The following TRIM71 variants were observed in gnomAD, a reference collection of about 807,000 sequenced individuals.
The protein encoded by TRIM71 is E3 ubiquitin-protein ligase TRIM71.
Under a neutral mutation model 61.2 loss-of-function variants are expected in TRIM71, and 9 were observed. That is an observed-to-expected ratio of 0.15 (90% CI 0.09 to 0.26). The LOEUF (loss-of-function observed/expected upper bound fraction) is 0.26. Among genes scored for constraint, TRIM71 ranks in the 10% least tolerant of loss-of-function variants. The pLI is 1.00. For missense variants in TRIM71, 998 were observed against 1,238.7 expected, an observed-to-expected ratio of 0.81 and a Z score of 2.92; for synonymous variants, 645 against 553.2, an observed-to-expected ratio of 1.17 and a Z score of -2.33.
intron 1 of TRIM71, among the ~76,000 whole-genome samples, chr3:32,836,114 C>T (rs957077443): frequency 6.6e-6 from 1 of 152,136 alleles, no homozygotes; most frequent in Non-Finnish European, 1.5e-5. Flanking sequence ...TCCCCTCCCC[C>T]GACAGCTCCC....
chr3:32,851,390 C>T (rs981578491), intron 1 of TRIM71, among the ~76,000 whole-genome samples: 1 of 152,216 alleles, frequency 6.6e-6, no homozygotes, highest in African/African-American at 2.4e-5. Context: ...ACTGAATCCA[C>T]CCAGCTAAGT....
At chr3:32,833,056 T>C (rs1335831376) in intron 1 of TRIM71, among the ~76,000 whole-genome samples, 1 of 151,450 alleles carries the variant, frequency 6.6e-6, no homozygotes, top group Non-Finnish European at 1.5e-5. Flanking sequence ...GAACCTGTCA[T>C]CCCAGCTACT....
rs1230451614 is a variant in TRIM71 at position 32,868,700 on chromosome 3, TAAA to T, written c.853-5114_853-5112del. Among the ~76,000 whole-genome samples, 11 of 150,408 alleles carry T rather than the reference TAAA, an allele frequency of 7.3e-5. No individual in the cohort carries two copies. The East Asian group carries it at 9.7e-4, about 13-fold the overall frequency. On this transcript the variant is annotated intron_variant, in intron 1 of 3. Coordinates refer to ENST00000383763, the MANE Select transcript of TRIM71 (RefSeq NM_001039111.3). ...GAGACATTAGGGTTTTTTTTTTTTT[TAAA>T]AAACTGTTTGCTTGTATTACTTTCT...
chr3:32,837,428 A>G (rs1696346712), intron 1 of TRIM71, among the ~76,000 whole-genome samples: 1 of 152,216 alleles, frequency 6.6e-6, no homozygotes, highest in Non-Finnish European at 1.5e-5. Flanking sequence ...TATGAAAAGT[A>G]TAGTTTTAGG....
At chr3:32,877,748 T>C (rs887705170) in intron 2 of TRIM71, among the ~76,000 whole-genome samples, 5 of 152,170 alleles carry the variant, frequency 3.3e-5, no homozygotes, top group Non-Finnish European at 7.3e-5. Flanking sequence ...AAGCTCCAGT[T>C]CTAATTCTAG....
At chr3:32,853,626 CTTT>C (rs1278930372) in intron 1 of TRIM71, among the ~76,000 whole-genome samples, 1 of 152,170 alleles carries the variant, frequency 6.6e-6, no homozygotes, top group East Asian at 1.9e-4. Flanking sequence ...AAGGGACACC[CTTT>C]TTCCTGAGGA....
chr3:32,857,038 C>T (rs909010341), intron 1 of TRIM71, among the ~76,000 whole-genome samples: 3 of 152,186 alleles, frequency 2.0e-5, no homozygotes, highest in Admixed American at 2.0e-4. Flanking sequence ...GACTCCACAA[C>T]ACAAGTTGGC....
rs1388106023 is a variant in TRIM71, at chr3:32,891,892, T to C, written c.*81T>C. 5 of 1,513,010 alleles carry C rather than the reference T, an allele frequency of 3.3e-6. No homozygotes were observed. Among genetic ancestry groups the C allele is most frequent in the Non-Finnish European group, 4.4e-6 (5 of 1,136,972 alleles). The allele number at this position is 1,513,010 out of a possible 1,614,324, so 93.7% of individuals were successfully genotyped here. The stretch of plus-strand genomic sequence containing the variant: ...TCTCTCTTTCTCTTTCTCTCTCTTT[T>C]TGAATTTCAAAGAAGAAACAGTCTC... On this transcript the variant is annotated 3_prime_UTR_variant, in exon 4 of 4. Coordinates refer to ENST00000383763, the MANE Select transcript of TRIM71 (RefSeq NM_001039111.3). This position sits in a 1 kb window ranked among gnomAD's most constrained non-coding sequence, Gnocchi z 8.2.
intron 1 of TRIM71, among the ~76,000 whole-genome samples, chr3:32,832,913 G>A (rs955018846): frequency 5.3e-5 from 8 of 151,934 alleles, no homozygotes; most frequent in East Asian, 3.9e-4. Flanking sequence ...GGTGGCTCAC[G>A]CCTTAATCCC....
chr3:32,842,398 C>A, intron 1 of TRIM71, among the ~76,000 whole-genome samples: 1 of 152,048 alleles, frequency 6.6e-6, no homozygotes, highest in Non-Finnish European at 1.5e-5. Context: ...GTGAGAGTTC[C>A]TGAAAAAAAT....
At chr3:32,848,321 T>C (rs932721653) in intron 1 of TRIM71, among the ~76,000 whole-genome samples, 3 of 152,212 alleles carry the variant, frequency 2.0e-5, no homozygotes, top group African/African-American at 7.2e-5. Flanking sequence ...TCTGCCCTCT[T>C]AGTTCTACAG....
intron 2 of TRIM71, among the ~76,000 whole-genome samples, chr3:32,881,796 G>GT (rs1320070897): frequency 1.3e-5 from 2 of 152,176 alleles, no homozygotes; most frequent in African/African-American, 2.4e-5. Flanking sequence ...TTGGGAACTA[G>GT]TTCAATAAGT....
chr3:32,840,895 G>A (rs1696396463), intron 1 of TRIM71, among the ~76,000 whole-genome samples: 1 of 152,166 alleles, frequency 6.6e-6, no homozygotes. Flanking sequence ...CCCCGGGCTG[G>A]TCTAAGTGAG....
At chr3:32,866,590 G>GTGTGCTAC (rs2125686850) in intron 1 of TRIM71, among the ~76,000 whole-genome samples, 2 of 152,282 alleles carry the variant, frequency 1.3e-5, no homozygotes, top group East Asian at 3.9e-4. Context: ...CCTAGACATG[G>GTGTGCTAC]TGGTGTGCTA....
chr3:32,886,705 C>T (rs1035465874), intron 3 of TRIM71, among the ~76,000 whole-genome samples: 3 of 152,150 alleles, frequency 2.0e-5, no homozygotes, highest in Admixed American at 6.5e-5. Flanking sequence ...TCTGAACACA[C>T]GAAAAAGACT....
At chr3:32,854,335 T>G (rs1470888487) in intron 1 of TRIM71, among the ~76,000 whole-genome samples, 1 of 152,204 alleles carries the variant, frequency 6.6e-6, no homozygotes, top group Non-Finnish European at 1.5e-5. Flanking sequence ...TAGCACATTC[T>G]TAGAGATAGT....
rs1696078707 is a variant in TRIM71 at position 32,818,187 on chromosome 3, C to T, written c.107C>T (p.Ser36Leu). The part of the protein sequence containing the change: ...SSNSSASSSS[S>L]QTSTSSGGGG... ...AACTCGTCCGCGTCGTCGTCCTCCT[C>T]GCAGACGTCCACGTCGTCGGGGGGC... The change falls in exon 1 of 4, where the codon TCG becomes TTG. Residue 36 changes from serine (S) to leucine (L), a missense_variant. Ser to Leu is a moderately radical substitution (Grantham distance 145, BLOSUM62 -2). This residue lies in a region of TRIM71 where 527 missense variants were observed against 427.8 expected (regional missense o/e 1.23). Transcript: ENST00000383763. 4.4e-6 allele frequency: 7 copies of T among 1,592,008 alleles called. No homozygotes were observed. Among genetic ancestry groups the T allele is most frequent in the African/African-American group, 1.4e-5 (1 of 72,982 alleles).
intron 1 of TRIM71, among the ~76,000 whole-genome samples, chr3:32,847,380 G>A (rs956084879): frequency 6.6e-6 from 1 of 152,018 alleles, no homozygotes; most frequent in East Asian, 1.9e-4. Context: ...ATTTTTAGTA[G>A]AGAGAGGTTT....
chr3:32,820,963 T>G (rs2125672861), intron 1 of TRIM71, among the ~76,000 whole-genome samples: 1 of 152,336 alleles, frequency 6.6e-6, no homozygotes, highest in African/African-American at 2.4e-5. Flanking sequence ...TTGTTTGGCC[T>G]TTTTATTCAT....
Sources: gnomAD v4.1 joint callset for allele counts (sites outside exome capture counted in the v4.1 genomes callset) on GRCh38, gnomAD v4.1.1 for gene constraint, gnomAD v4.1.1 regional missense constraint, Gnocchi (gnomAD v3.1) non-coding constraint, MANE v1.5 for transcripts, NCBI Gene and HGNC (gene_info 2026-07-23, HGNC 2026-07-21) for gene names.